The following SGK3 variants were observed in gnomAD, a reference collection of about 807,000 sequenced individuals.
SGK3 encodes serum/glucocorticoid regulated kinase family member 3.
A neutral mutation model predicts 68.5 loss-of-function variants in SGK3; 47 were observed. The observed-to-expected ratio is 0.69, with a 90% CI of 0.54 to 0.87. The LOEUF (loss-of-function observed/expected upper bound fraction) is 0.87. SGK3 is among the 40% of genes least tolerant of loss of function. The pLI, the probability that SGK3 is intolerant of heterozygous loss-of-function variation, is 0.00. For missense variants in SGK3, 479 were observed against 575.5 expected (o/e 0.83, Z 1.72); for synonymous variants, 181 against 189.1 (o/e 0.96, Z 0.35).
At position 66,734,944 on chromosome 8, in the gene SGK3, C is replaced by CA. The variant is rs35047133; in HGVS notation, c.-122+22127dup. ...TGGGCAGCAGAGCAAGGCTCCATCT[C>CA]AAAAAAAAAAAAAAAAGTAGATATG... On this transcript the variant is annotated intron_variant, in intron 1 of 16. Coordinates refer to ENST00000521198, the MANE Select transcript of SGK3 (RefSeq NM_001033578.3). 7.5e-3 allele frequency among the ~76,000 whole-genome samples: 686 copies of CA among 91,050 alleles called. 6 individuals carry two copies. The highest frequency in any genetic ancestry group is 0.019 in the African/African-American group (517 of 27,416). 59.7% of individuals were successfully genotyped at this position (91,050 alleles called of 152,430 possible).
chr8:66,818,631 G>T lies in SGK3; in HGVS notation c.330-3741G>T, dbSNP rs148140934. Among the ~76,000 whole-genome samples, 821 of 152,228 alleles carry T rather than the reference G, an allele frequency of 5.4e-3. 12 individuals carry two copies. The highest frequency in any genetic ancestry group is 0.018 in the African/African-American group (741 of 41,542). On this transcript the variant is annotated intron_variant, in intron 5 of 16. Transcript: ENST00000521198. ...GCCTGACTTTTAACAAAACAGATTA[G>T]TGTGTGCCCTGTTTTTGAACTTTAT...
At chr8:66,855,606 A>G (rs902202152) in intron 16 of SGK3, among the ~76,000 whole-genome samples, 2 of 152,246 alleles carry the variant, frequency 1.3e-5, no homozygotes, top group Non-Finnish European at 2.9e-5. Flanking sequence ...ACAAACTGGG[A>G]AAATTTTCCT....
intron 6 of SGK3, among the ~76,000 whole-genome samples, chr8:66,825,054 T>C (rs182081257): frequency 1.3e-5 from 2 of 152,332 alleles, no homozygotes; most frequent in East Asian, 3.9e-4. Flanking sequence ...GCTACTCATG[T>C]GAGACTAGGT....
chr8:66,758,382 AAAAT>A (rs1317491294), intron 1 of SGK3, among the ~76,000 whole-genome samples: 1 of 152,166 alleles, frequency 6.6e-6, no homozygotes, highest in Non-Finnish European at 1.5e-5. Context: ...ATTTTTATAA[AAAAT>A]AACCTTTTCC....
At chr8:66,850,973 T>G in intron 16 of SGK3, 53 bp downstream of exon 16, 2 of 1,519,750 alleles carry the variant, frequency 1.3e-6, no homozygotes, top group Non-Finnish European at 1.8e-6. Flanking sequence ...TAATAGCAGT[T>G]CATTGTAAGT....
At chr8:66,829,312 G>A (rs1486101540) in intron 7 of SGK3, among the ~76,000 whole-genome samples, 5 of 151,478 alleles carry the variant, frequency 3.3e-5, no homozygotes, top group Non-Finnish European at 7.4e-5. Context: ...CATTTACTCT[G>A]AAGTGTTTTT....
chr8:66,846,881 T>C (rs1453878298), intron 14 of SGK3, among the ~76,000 whole-genome samples: 2 of 152,336 alleles, frequency 1.3e-5, no homozygotes, highest in East Asian at 1.9e-4. Flanking sequence ...ATTCTGTCAT[T>C]ATGCCTATGA....
intron 1 of SGK3, among the ~76,000 whole-genome samples, chr8:66,745,178 T>G (rs1352819840): frequency 6.6e-6 from 1 of 152,132 alleles, no homozygotes; most frequent in Admixed American, 6.6e-5. Flanking sequence ...GTTTCATTGT[T>G]TTGTTTGTTT....
At chr8:66,805,096 C>T (rs1282952092) in intron 4 of SGK3, among the ~76,000 whole-genome samples, 1 of 151,620 alleles carries the variant, frequency 6.6e-6, no homozygotes, top group Non-Finnish European at 1.5e-5. Flanking sequence ...TTTAATTGAT[C>T]CTTCAGGTTA....
intron 1 of SGK3, among the ~76,000 whole-genome samples, chr8:66,777,073 G>T (rs1441581822): frequency 6.6e-6 from 1 of 152,226 alleles, no homozygotes; most frequent in Non-Finnish European, 1.5e-5. Context: ...GTCCCAAAGA[G>T]ATAATGTCAC....
chr8:66,837,783 CAA>C (rs963046526), intron 10 of SGK3, among the ~76,000 whole-genome samples: 1 of 146,908 alleles, frequency 6.8e-6, no homozygotes, highest in Admixed American at 6.8e-5. Context: ...GACCCTGTGT[CAA>C]AAAAAAAAAT....
chr8:66,718,627 C>G (rs1347147775), intron 1 of SGK3, among the ~76,000 whole-genome samples: 1 of 151,988 alleles, frequency 6.6e-6, no homozygotes, highest in Non-Finnish European at 1.5e-5. Flanking sequence ...CTCCCAGGTT[C>G]AAGTGATTCT....
At chr8:66,723,122 TATATATA>T (rs1238010932) in intron 1 of SGK3, among the ~76,000 whole-genome samples, 39 of 56,694 alleles carry the variant, frequency 6.9e-4, no homozygotes, top group African/African-American at 2.0e-3. Flanking sequence ...TATATATATA[TATATATA>T]TATTTTTTTT....
Position 66,793,840 on chromosome 8 carries a change from T to C in SGK3, c.96+8T>C. On this transcript the variant is annotated splice_region_variant and intron_variant, in intron 2 of 16. Transcript: ENST00000521198. The stretch of plus-strand genomic sequence containing the variant: ...AAAAAGAAGAGGTTTACTGTAAGTA[T>C]TTAACATAAAGCATGTGGGAAAAAA... 6.2e-7 allele frequency: 1 copy of C among 1,609,620 alleles called. No homozygotes were observed. Among genetic ancestry groups the C allele is most frequent in the African/African-American group, 1.3e-5 (1 of 74,766 alleles).
chr8:66,741,408 G>C (rs2130397703), intron 1 of SGK3, among the ~76,000 whole-genome samples: 1 of 151,748 alleles, frequency 6.6e-6, no homozygotes, highest in East Asian at 2.0e-4. Flanking sequence ...AAAGCTGCAT[G>C]TGTTGGTGGG....
At chr8:66,784,194 C>T (rs1414911557) in intron 1 of SGK3, among the ~76,000 whole-genome samples, 4 of 152,162 alleles carry the variant, frequency 2.6e-5, no homozygotes, top group Non-Finnish European at 4.4e-5. Context: ...AACCATCACC[C>T]GGCCTACTTT....
chr8:66,740,148 C>G (rs1161499887), intron 1 of SGK3, among the ~76,000 whole-genome samples: 1 of 152,192 alleles, frequency 6.6e-6, no homozygotes, highest in Non-Finnish European at 1.5e-5. Flanking sequence ...ATTTCATTCT[C>G]TGTACTTCTG....
rs1263972733 is a variant in SGK3 at position 66,850,895 on chromosome 8, T to G, written c.1295T>G (p.Ile432Ser). 6.2e-7 allele frequency: 1 copy of G among 1,611,674 alleles called. No individual in the cohort carries two copies. Among genetic ancestry groups the G allele is most frequent in the South Asian group, 1.1e-5 (1 of 90,554 alleles). Residue 432 changes from isoleucine to serine, a missense_variant, in exon 16 of 17, where the codon ATT becomes AGT. Ile to Ser is a moderately radical substitution (Grantham distance 142). Around this residue, in one of 3 missense-constraint regions of SGK3, gnomAD observed 173 missense variants for 214.3 expected, o/e 0.81. Coordinates refer to ENST00000521198, the MANE Select transcript of SGK3 (RefSeq NM_001033578.3). The part of the protein sequence containing the change: ...LSWADLVQKK[I>S]PPPFNPNVAG... The stretch of plus-strand genomic sequence containing the variant: ...TGGGCTGACCTTGTACAAAAGAAGA[T>G]TCCACCACCATTTAATCCTAATGTG...
intron 1 of SGK3, among the ~76,000 whole-genome samples, chr8:66,772,276 C>T (rs920583354): frequency 4.0e-5 from 6 of 148,224 alleles, no homozygotes; most frequent in African/African-American, 1.5e-4. Context: ...TTTATAGAGA[C>T]GGAGTCTCTC....
Sources: allele counts gnomAD v4.1 joint callset (sites outside exome capture counted in the v4.1 genomes callset), GRCh38; gene constraint gnomAD v4.1.1; regional missense constraint gnomAD v4.1.1; transcripts MANE v1.5; gene names NCBI Gene and HGNC (gene_info 2026-07-23, HGNC 2026-07-21).